The following XRCC4 variants were observed in gnomAD, a reference collection of about 807,000 sequenced individuals.
XRCC4 encodes X-ray repair cross complementing 4, also known as DNA repair protein XRCC4.
XRCC4 carries 28 observed loss-of-function variants against 39.1 expected under a neutral mutation model. The ratio of observed to expected loss-of-function variants is 0.72; its 90% CI spans 0.53 to 0.98. The LOEUF (loss-of-function observed/expected upper bound fraction) is 0.98, where lower values mean the gene tolerates loss of function less well. Among genes scored for constraint, XRCC4 ranks in the 50% least tolerant of loss-of-function variants. The pLI is 0.00. For synonymous variants in XRCC4, 123 were observed against 126.4 expected, an observed-to-expected ratio of 0.97 and a Z score of 0.18; for missense variants, 350 against 376.4, an observed-to-expected ratio of 0.93 and a Z score of 0.58.
At chr5:83,282,832 A>C (rs1561453486) in intron 7 of XRCC4, among the ~76,000 whole-genome samples, 1 of 151,966 alleles carries the variant, frequency 6.6e-6, no homozygotes, top group Non-Finnish European at 1.5e-5. Flanking sequence ...ACAGAGCAAG[A>C]CTCCATCTCA....
At position 83,187,032 on chromosome 5, in the gene XRCC4, C is replaced by T. The variant is rs528252824; in HGVS notation, c.316-8738C>T. On this transcript the variant is annotated intron_variant, in intron 3 of 7. Coordinates refer to ENST00000396027, the MANE Select transcript of XRCC4 (RefSeq NM_003401.5). ...GACCTCGGCTCACTGCAAGCTCCGCCTCCCGGGTTCACGCCATTCTCCTGC... is the reference window on the plus strand; with the variant it reads ...GACCTCGGCTCACTGCAAGCTCCGCTTCCCGGGTTCACGCCATTCTCCTGC... 3.8e-3 allele frequency among the ~76,000 whole-genome samples: 187 copies of T among 48,810 alleles called. 50 individuals are homozygous for T. Among genetic ancestry groups the T allele is most frequent in the African/African-American group, 0.017 (176 of 10,202 alleles). The allele number at this position is 48,810 out of a possible 152,430, so 32.0% of individuals were successfully genotyped here. A position where few individuals can be genotyped will look rare whatever the true frequency, so the allele number is the denominator to read the frequency against.
intron 1 of XRCC4, among the ~76,000 whole-genome samples, chr5:83,079,190 T>C (rs1259228565): frequency 6.6e-6 from 1 of 152,248 alleles, no homozygotes. Flanking sequence ...TGACTTCTTA[T>C]GTACCTGAGC....
At chr5:83,280,607 C>T in intron 7 of XRCC4, 1 of 412,190 alleles carries the variant, frequency 2.4e-6, no homozygotes, top group Non-Finnish European at 4.6e-6. Flanking sequence ...CCCAAGACCA[C>T]CCTTCTCAAG....
rs3069585 is a variant in XRCC4, at chr5:83,192,319, A to ATATATATATT, written c.316-3450_316-3449insATATATATTT. Among the ~76,000 whole-genome samples, 685 of 143,498 alleles carry ATATATATATT rather than the reference A, an allele frequency of 4.8e-3. 3 individuals are homozygous for ATATATATATT. The highest frequency in any genetic ancestry group is 7.3e-3 in the Non-Finnish European group (488 of 66,430). The allele number at this position is 143,498 out of a possible 152,430, so 94.1% of individuals were successfully genotyped here. ...ATACGTATATATAATATATATATAT[A>ATATATATATT]TTTTTTTGAGACGGAGTCTTGCTCT... On this transcript the variant is annotated intron_variant, in intron 3 of 7. Transcript: ENST00000396027.
intron 3 of XRCC4, among the ~76,000 whole-genome samples, chr5:83,134,190 G>A (rs1747761964): frequency 6.6e-6 from 1 of 152,078 alleles, no homozygotes; most frequent in Admixed American, 6.6e-5. Flanking sequence ...TCTGGAACGA[G>A]CTCCCTCTGG....
At chr5:83,124,687 A>G (rs1747174769) in intron 3 of XRCC4, among the ~76,000 whole-genome samples, 1 of 152,182 alleles carries the variant, frequency 6.6e-6, no homozygotes, top group African/African-American at 2.4e-5. Flanking sequence ...TTGGGAAATA[A>G]AGTTTCACTG....
chr5:83,289,404 C>T (rs531600391), intron 7 of XRCC4, among the ~76,000 whole-genome samples: 1 of 151,964 alleles, frequency 6.6e-6, no homozygotes, highest in East Asian at 1.9e-4. Context: ...TGAAGATGTT[C>T]ATTTGGGTAA....
chr5:83,361,965 C>T, the XRCC4 span, among the ~76,000 whole-genome samples: 1 of 152,110 alleles, frequency 6.6e-6, no homozygotes, highest in African/African-American at 2.4e-5. Context: ...CCTCTCCTCT[C>T]TGCTTTCCCA....
At chr5:83,241,687 C>T (rs959281012) in intron 6 of XRCC4, among the ~76,000 whole-genome samples, 1 of 152,164 alleles carries the variant, frequency 6.6e-6, no homozygotes, top group East Asian at 1.9e-4. Flanking sequence ...GAATTTTTGA[C>T]TTGTCCAAAT....
intron 7 of XRCC4, among the ~76,000 whole-genome samples, chr5:83,279,696 T>C (rs1401213459): frequency 1.3e-5 from 2 of 152,228 alleles, no homozygotes; most frequent in Non-Finnish European, 2.9e-5. Flanking sequence ...GATGTCAGTA[T>C]TCTAGCAATA....
chr5:83,113,847 C>G (rs1746569982), intron 3 of XRCC4, among the ~76,000 whole-genome samples: 1 of 152,164 alleles, frequency 6.6e-6, no homozygotes, highest in African/African-American at 2.4e-5. Flanking sequence ...AAGATGGTCT[C>G]AATCTCCTGA....
chr5:83,329,101 G>A (rs1756357590), intron 7 of XRCC4, among the ~76,000 whole-genome samples: 1 of 151,882 alleles, frequency 6.6e-6, no homozygotes, highest in African/African-American at 2.4e-5. Flanking sequence ...AAAAAATAAT[G>A]AAATTTGATC....
intron 7 of XRCC4, among the ~76,000 whole-genome samples, chr5:83,261,895 T>C (rs945919632): frequency 6.6e-6 from 1 of 152,076 alleles, no homozygotes; most frequent in South Asian, 2.1e-4. Flanking sequence ...ATTTAACTGT[T>C]TATAGGTATT....
chr5:83,211,081 A>G (rs1751625963), intron 6 of XRCC4, among the ~76,000 whole-genome samples: 1 of 152,222 alleles, frequency 6.6e-6, no homozygotes, highest in South Asian at 2.1e-4. Context: ...TCTAAAATTG[A>G]CCCAAAAATA....
chr5:83,369,163 G>A, the XRCC4 span, among the ~76,000 whole-genome samples: 852 of 152,248 alleles, frequency 5.6e-3, 9 homozygotes, highest in African/African-American at 0.019. Flanking sequence ...CAAAAGCAAT[G>A]ATCTTGCAAG....
chr5:83,213,729 T>C (rs974727599), intron 6 of XRCC4, among the ~76,000 whole-genome samples: 1 of 152,110 alleles, frequency 6.6e-6, no homozygotes, highest in Non-Finnish European at 1.5e-5. Flanking sequence ...GATATTATCA[T>C]AATATCAAAG....
At chr5:83,266,653 CT>C (rs1341069137) in intron 7 of XRCC4, among the ~76,000 whole-genome samples, 3 of 151,962 alleles carry the variant, frequency 2.0e-5, no homozygotes, top group African/African-American at 7.2e-5. Context: ...TTCAAAAATA[CT>C]TTTAGTAAAA....
intron 6 of XRCC4, among the ~76,000 whole-genome samples, chr5:83,255,328 A>C (rs1026172553): frequency 6.6e-6 from 1 of 152,212 alleles, no homozygotes; most frequent in Non-Finnish European, 1.5e-5. Context: ...TTTATGTGAA[A>C]AACTGAGGGG....
intron 1 of XRCC4, among the ~76,000 whole-genome samples, chr5:83,101,883 C>T (rs1219836138): frequency 6.7e-6 from 1 of 148,982 alleles, no homozygotes; most frequent in African/African-American, 2.5e-5. Flanking sequence ...GCAAACACAT[C>T]AGACAACATC....
Sources: allele counts gnomAD v4.1 joint callset (sites outside exome capture counted in the v4.1 genomes callset), GRCh38; gene constraint gnomAD v4.1.1; transcripts MANE v1.5; gene names NCBI Gene and HGNC (gene_info 2026-07-23, HGNC 2026-07-21).